The following PCDH15 variants were observed in gnomAD, a reference collection of about 807,000 sequenced individuals.
PCDH15 encodes the protein protocadherin related 15.
A neutral mutation model predicts 178.5 loss-of-function variants in PCDH15; 129 were observed. The observed-to-expected ratio is 0.72, with a 90% CI of 0.63 to 0.84. PCDH15 has a LOEUF of 0.84. Among genes scored for constraint, PCDH15 ranks in the 40% least tolerant of loss-of-function variants. The probability of loss-of-function intolerance (pLI) is 0.00; values close to 1 mark genes in which losing one functional copy is unlikely to be tolerated. For synonymous variants in PCDH15, 800 were observed against 732.0 expected, an observed-to-expected ratio of 1.09 and a Z score of -1.50; for missense variants, 2,230 against 2,099.9, an observed-to-expected ratio of 1.06 and a Z score of -1.21.
chr10:53,959,010 G>GAAT (rs945360379), intron 23 of PCDH15, among the ~76,000 whole-genome samples: 1 of 113,192 alleles, frequency 8.8e-6, no homozygotes, highest in African/African-American at 3.3e-5. Flanking sequence ...AAAAAGAACA[G>GAAT]AATTTTCTGT....
intron 2 of PCDH15, among the ~76,000 whole-genome samples, chr10:54,562,750 A>T (rs962525296): frequency 6.6e-6 from 1 of 152,114 alleles, no homozygotes; most frequent in Non-Finnish European, 1.5e-5. Flanking sequence ...GTAGAGTTTC[A>T]TGTATAGAGA....
chr10:54,534,832 A>T (rs1013932950), intron 2 of PCDH15, among the ~76,000 whole-genome samples: 8 of 152,222 alleles, frequency 5.3e-5, no homozygotes, highest in African/African-American at 1.9e-4. Flanking sequence ...AGGAAAATAC[A>T]CACAGGAGTG....
At chr10:54,955,951 A>G (rs1838474144) in intron 2 of PCDH15, among the ~76,000 whole-genome samples, 1 of 151,468 alleles carries the variant, frequency 6.6e-6, no homozygotes, top group Admixed American at 6.6e-5. Context: ...TCAGCATTTC[A>G]TTATAAAATT....
At chr10:54,685,129 C>T (rs1375139253) in intron 1 of PCDH15, among the ~76,000 whole-genome samples, 1 of 151,986 alleles carries the variant, frequency 6.6e-6, no homozygotes, top group South Asian at 2.1e-4. Flanking sequence ...AATCAATATC[C>T]CTGTCTTCCT....
At chr10:54,073,345 T>A (rs2094282873) in intron 17 of PCDH15, among the ~76,000 whole-genome samples, 1 of 151,886 alleles carries the variant, frequency 6.6e-6, no homozygotes, top group Non-Finnish European at 1.5e-5. Context: ...TGTTTAAAGT[T>A]TTACTATTCT....
At chr10:54,422,501 A>T (rs1955665758) in intron 3 of PCDH15, among the ~76,000 whole-genome samples, 1 of 152,184 alleles carries the variant, frequency 6.6e-6, no homozygotes, top group Non-Finnish European at 1.5e-5. Context: ...AAGAATGTAG[A>T]GCACAGCTTC....
chr10:54,400,145 C>G (rs1278664137), intron 3 of PCDH15, among the ~76,000 whole-genome samples: 2 of 152,050 alleles, frequency 1.3e-5, no homozygotes, highest in East Asian at 3.9e-4. Context: ...TAGAAGTCCT[C>G]TGTGTCTAAT....
At chr10:54,320,765 TA>T (rs930954320) in intron 7 of PCDH15, among the ~76,000 whole-genome samples, 2 of 151,974 alleles carry the variant, frequency 1.3e-5, no homozygotes, top group Non-Finnish European at 1.5e-5. Context: ...CTGACGGTCT[TA>T]AAAAAATGAT....
intron 25 of PCDH15, among the ~76,000 whole-genome samples, chr10:53,929,278 T>C (rs533190511): frequency 2.0e-5 from 3 of 152,232 alleles, no homozygotes; most frequent in East Asian, 3.9e-4. Flanking sequence ...CAGACAATTT[T>C]ATGCTATGAG....
chr10:54,237,567 G>A (rs571285255), intron 8 of PCDH15, among the ~76,000 whole-genome samples: 1 of 152,190 alleles, frequency 6.6e-6, no homozygotes, highest in African/African-American at 2.4e-5. Flanking sequence ...TGTGCTATCA[G>A]GACTGGCAAA....
At chr10:54,214,525 AT>A (rs1201502247) in intron 9 of PCDH15, among the ~76,000 whole-genome samples, 1 of 152,202 alleles carries the variant, frequency 6.6e-6, no homozygotes, top group Non-Finnish European at 1.5e-5. Flanking sequence ...TATCAAGCTA[AT>A]AATGTTAATC....
At chr10:54,148,511 G>A (rs112568656) in intron 14 of PCDH15, among the ~76,000 whole-genome samples, 230 of 152,130 alleles carry the variant, frequency 1.5e-3, no homozygotes, top group African/African-American at 5.4e-3. Flanking sequence ...GTTCAGTACA[G>A]ATGTAATGTT....
chr10:54,641,345 C>A (rs1264773148), intron 2 of PCDH15, among the ~76,000 whole-genome samples: 2 of 152,080 alleles, frequency 1.3e-5, no homozygotes, highest in Non-Finnish European at 2.9e-5. Context: ...TATTCAGGAA[C>A]AGATAAGAGA....
At chr10:54,862,096 CAT>C (rs1348427317) in intron 3 of PCDH15, among the ~76,000 whole-genome samples, 3 of 152,216 alleles carry the variant, frequency 2.0e-5, no homozygotes, top group Admixed American at 6.5e-5. Flanking sequence ...ATAATAATTA[CAT>C]CATAGTTATA....
chr10:54,665,585 T>C (rs1204928593), intron 1 of PCDH15, among the ~76,000 whole-genome samples: 1 of 152,070 alleles, frequency 6.6e-6, no homozygotes, highest in Non-Finnish European at 1.5e-5. Context: ...TGTATAAATA[T>C]ATATATTGCA....
intron 1 of PCDH15, among the ~76,000 whole-genome samples, chr10:54,773,267 T>C (rs1949305228): frequency 6.6e-6 from 1 of 152,142 alleles, no homozygotes; most frequent in African/African-American, 2.4e-5. Flanking sequence ...GAAGACTTTT[T>C]TTTTTCTTAG....
chr10:55,131,883 C>T (rs1267829757), intron 2 of PCDH15, among the ~76,000 whole-genome samples: 3 of 152,168 alleles, frequency 2.0e-5, no homozygotes, highest in Non-Finnish European at 4.4e-5. Context: ...GAACTGACAG[C>T]CTGGTCCCTA....
At chr10:54,547,299 T>C (rs950431905) in intron 2 of PCDH15, among the ~76,000 whole-genome samples, 1 of 152,208 alleles carries the variant, frequency 6.6e-6, no homozygotes, top group African/African-American at 2.4e-5. Context: ...CTTCTGTCAC[T>C]ATTCTCTTTG....
chr10:54,773,235 A>G (rs777663228), intron 1 of PCDH15, among the ~76,000 whole-genome samples: 1 of 152,170 alleles, frequency 6.6e-6, no homozygotes, highest in Admixed American at 6.5e-5. Context: ...TATGCTGCAC[A>G]TGTACCCCGA....
Sources: gnomAD v4.1 joint callset for allele counts (sites outside exome capture counted in the v4.1 genomes callset) on GRCh38, gnomAD v4.1.1 for gene constraint, MANE v1.5 for transcripts, NCBI Gene and HGNC (gene_info 2026-07-23, HGNC 2026-07-21) for gene names.